BCAT1: variants seen among roughly 807,000 people sequenced by gnomAD.
The protein encoded by BCAT1 is branched-chain-amino-acid aminotransferase, cytosolic.
Under a neutral mutation model 52.4 loss-of-function variants are expected in BCAT1, and 48 were observed. The observed-to-expected ratio is 0.92, with a 90% confidence interval of 0.73 to 1.16. The LOEUF (loss-of-function observed/expected upper bound fraction) is 1.16. Among genes scored for constraint, BCAT1 ranks in the 50% most tolerant of loss-of-function variants. BCAT1 has a pLI of 0.00. For missense variants in BCAT1, 451 were observed against 457.1 expected (o/e 0.99, Z 0.12); for synonymous variants, 167 against 161.3 (o/e 1.04, Z -0.27).
At chr12:24,824,231 T>TTTCCTTCCTTCCTTCCTTCCTTCCTTCC (rs560798912) in intron 10 of BCAT1, among the ~76,000 whole-genome samples, 7 of 21,072 alleles carry the variant, frequency 3.3e-4, no homozygotes, top group Admixed American at 6.8e-4. Flanking sequence ...TGAGTTTACA[T>TTTCCTTCCTTCCTTCCTTCCTTCCTTCC]TTCCTTCCTT....
intron 9 of BCAT1, chr12:24,830,723 A>T (rs1940626122): frequency 6.6e-6 from 1 of 152,064 alleles, no homozygotes; most frequent in Admixed American, 6.6e-5. Context: ...AATTCAACTT[A>T]AAAAAAATCT....
At chr12:24,834,835 T>C in intron 8 of BCAT1, 1 of 1,082,366 alleles carries the variant, frequency 9.2e-7, no homozygotes, top group Middle Eastern at 2.5e-4. Context: ...AGAAAACTCT[T>C]TTGTAAATAA....
chr12:24,912,091 A>T (rs1253423867), intron 1 of BCAT1, among the ~76,000 whole-genome samples: 2 of 152,222 alleles, frequency 1.3e-5, no homozygotes, highest in Non-Finnish European at 2.9e-5. Flanking sequence ...TAGCAAAAAG[A>T]AAAGGCCACA....
At chr12:24,943,850 G>T (rs953696414) in intron 1 of BCAT1, among the ~76,000 whole-genome samples, 1 of 152,094 alleles carries the variant, frequency 6.6e-6, no homozygotes, top group Non-Finnish European at 1.5e-5. Flanking sequence ...CGGGCGTGGT[G>T]GCGGGCGCCT....
chr12:24,902,962 C>G lies in BCAT1; in HGVS notation c.7-1077G>C, dbSNP rs1409831733. ...TTCGAGGTACCTGGCGGGCAAGGGCCGCAGCGGAGCGAAGCGGGCTGGCCA... is the reference window on the plus strand; with the variant it reads ...TTCGAGGTACCTGGCGGGCAAGGGCGGCAGCGGAGCGAAGCGGGCTGGCCA... On this transcript the variant is annotated intron_variant, in intron 1 of 10. Coordinates refer to ENST00000261192, the MANE Select transcript of BCAT1 (RefSeq NM_005504.7). 2.0e-6 allele frequency: 3 copies of G among 1,501,542 alleles called. No homozygotes were observed. In the East Asian group the frequency reaches 8.2e-5, roughly 41 times the overall value. 93.0% of individuals were successfully genotyped at this position (1,501,542 alleles called of 1,614,324 possible).
chr12:24,910,235 G>A (rs1943296905), intron 1 of BCAT1, among the ~76,000 whole-genome samples: 1 of 151,894 alleles, frequency 6.6e-6, no homozygotes, highest in Non-Finnish European at 1.5e-5. Flanking sequence ...AAATTAGCTG[G>A]GCTTGATGGC....
Position 24,842,109 on chromosome 12 carries a change from A to G in BCAT1, c.790T>C (p.Phe264Leu), listed in dbSNP as rs1198282521. ...CCATCTTCATTTATCCAGTAAAGAA[A>G]AAGATTCATAGTTCCCACTTCAGTG... ...QITEVGTMNL[F>L]LYWINEDGEE... is the part of the protein sequence containing the mutation. Residue 264 changes from phenylalanine to leucine, a missense_variant, in exon 7 of 11, where the codon TTT (phenylalanine) becomes CTT (leucine). Coordinates refer to ENST00000261192, the MANE Select transcript of BCAT1 (RefSeq NM_005504.7). 6.2e-7 allele frequency: 1 copy of G among 1,613,928 alleles called. No individual in the cohort carries two copies. The highest frequency in any genetic ancestry group is 8.5e-7 in the Non-Finnish European group (1 of 1,179,816).
chr12:24,823,976 T>C (rs1331607253), intron 10 of BCAT1, among the ~76,000 whole-genome samples: 1 of 152,212 alleles, frequency 6.6e-6, no homozygotes, highest in Non-Finnish European at 1.5e-5. Context: ...ACCCCAAAAT[T>C]GTGTGTTTGG....
intron 1 of BCAT1, among the ~76,000 whole-genome samples, chr12:24,943,329 C>CA (rs1217140734): frequency 6.6e-6 from 1 of 151,650 alleles, no homozygotes; most frequent in African/African-American, 2.4e-5. Context: ...CCCATCTCTA[C>CA]AAAAAATACA....
chr12:24,848,168 A>G (rs766353008), intron 6 of BCAT1, among the ~76,000 whole-genome samples: 5 of 152,350 alleles, frequency 3.3e-5, no homozygotes, highest in Non-Finnish European at 5.9e-5. Flanking sequence ...TCCATGGATC[A>G]TAGTCCACCT....
intron 10 of BCAT1, among the ~76,000 whole-genome samples, 195 bp from the exon 11 acceptor site, chr12:24,818,244 T>C (rs957692781): frequency 6.6e-6 from 1 of 152,116 alleles, no homozygotes; most frequent in African/African-American, 2.4e-5. Context: ...ATATAAAACA[T>C]AAGATAAAAG....
intron 1 of BCAT1, among the ~76,000 whole-genome samples, chr12:24,937,494 T>G (rs1943778440): frequency 1.3e-5 from 2 of 149,410 alleles, no homozygotes; most frequent in African/African-American, 4.8e-5. Flanking sequence ...ATAAAAAATT[T>G]TTTGTTGGTT....
chr12:24,876,050 T>C (rs1268060282), intron 5 of BCAT1, among the ~76,000 whole-genome samples: 1 of 152,092 alleles, frequency 6.6e-6, no homozygotes, highest in Admixed American at 6.5e-5. Flanking sequence ...AAGTGTATTA[T>C]TTTATAATAA....
rs148192534 is a variant in BCAT1 at position 24,866,916 on chromosome 12, A to G, written c.510+11614T>C. On this transcript the variant is annotated intron_variant, in intron 5 of 10. Coordinates refer to ENST00000261192, the MANE Select transcript of BCAT1 (RefSeq NM_005504.7). ...TGGCAACCTGCTGGGGTCCCCTTCC[A>G]TACTGTGGAAGCTTTGTTCTCTCGC... Among the ~76,000 whole-genome samples the G allele has an allele frequency of 9.2e-3, 1,406 of 152,220 alleles. 20 individuals are homozygous for G. The highest frequency in any genetic ancestry group is 0.032 in the African/African-American group (1,332 of 41,536).
chr12:24,841,781 C>A (rs538428096), intron 7 of BCAT1, among the ~76,000 whole-genome samples: 13 of 151,958 alleles, frequency 8.6e-5, no homozygotes, highest in African/African-American at 3.1e-4. Context: ...TGGTGGCAGG[C>A]TCCTGCAATC....
intron 1 of BCAT1, among the ~76,000 whole-genome samples, chr12:24,947,472 C>T (rs1943948297): frequency 6.6e-6 from 1 of 152,104 alleles, no homozygotes; most frequent in Non-Finnish European, 1.5e-5. Flanking sequence ...AAAAATCAAG[C>T]TTGTGATAGC....
intron 3 of BCAT1, among the ~76,000 whole-genome samples, chr12:24,884,975 G>GCAA (rs58206321): frequency 0.25 from 37,392 of 151,928 alleles, 4,774 homozygotes; most frequent in East Asian, 0.38. Flanking sequence ...TAATAAGCTC[G>GCAA]CAAACGTTAT....
chr12:24,860,182 C>A (rs938856393), intron 5 of BCAT1, among the ~76,000 whole-genome samples: 1 of 152,080 alleles, frequency 6.6e-6, no homozygotes, highest in East Asian at 1.9e-4. Context: ...CTCTTAAATG[C>A]AGGTTTCTGA....
In BCAT1 at chr12:24,918,321, G is replaced by A. The variant is rs555788915; in HGVS notation, c.7-16436C>T. On this transcript the variant is annotated intron_variant, in intron 1 of 10. Transcript: ENST00000261192. ...TGACACTACCAACGCTGACATGAAT[G>A]GATGCAAGGTAACCGGCCAGTGCTC... Among the ~76,000 whole-genome samples, 3 of 152,290 alleles carry A rather than the reference G, an allele frequency of 2.0e-5. No individual in the cohort carries two copies. In the East Asian group the frequency reaches 5.8e-4, roughly 29 times the overall value.
Sources: gnomAD v4.1 joint callset for allele counts (sites outside exome capture counted in the v4.1 genomes callset) on GRCh38, gnomAD v4.1.1 for gene constraint, MANE v1.5 for transcripts, NCBI Gene and HGNC (gene_info 2026-07-23, HGNC 2026-07-21) for gene names.